The following ASB7 variants were observed in gnomAD, a reference collection of about 807,000 sequenced individuals.
The protein encoded by ASB7 is ankyrin repeat and SOCS box protein 7.
Under a neutral mutation model 32.5 loss-of-function variants are expected in ASB7, and 4 were observed. That is an observed-to-expected ratio of 0.12 (90% CI 0.06 to 0.28). The LOEUF (loss-of-function observed/expected upper bound fraction) is 0.28. Ranked by LOEUF, ASB7 falls within the 10% of genes least tolerant of loss-of-function variation. The probability of loss-of-function intolerance (pLI) is 1.00; values close to 1 mark genes in which losing one functional copy is unlikely to be tolerated. For synonymous variants in ASB7, 172 were observed against 155.6 expected, an observed-to-expected ratio of 1.11 and a Z score of -0.78; for missense variants, 181 against 407.1, an observed-to-expected ratio of 0.44 and a Z score of 4.78.
chr15:100,612,568 C>A, intron 4 of ASB7, 141 bp downstream of exon 4: 1 of 807,962 alleles, frequency 1.2e-6, no homozygotes, highest in Non-Finnish European at 2.0e-6. Flanking sequence ...TGAAGATTTG[C>A]TATAAGTGTG....
chr15:100,616,050 G>C (rs909412743), intron 4 of ASB7, among the ~76,000 whole-genome samples: 2 of 152,244 alleles, frequency 1.3e-5, no homozygotes, highest in Non-Finnish European at 2.9e-5. Context: ...CCTCCGAAGA[G>C]ATTGTCATCA....
At chr15:100,609,275 C>T (rs1296577268) in intron 2 of ASB7, among the ~76,000 whole-genome samples, 4 of 152,132 alleles carry the variant, frequency 2.6e-5, no homozygotes, top group African/African-American at 9.7e-5. Flanking sequence ...TTTATTTTAA[C>T]CCAGGCCACC....
At chr15:100,640,083 C>T (rs1268807643) in intron 5 of ASB7, among the ~76,000 whole-genome samples, 1 of 152,198 alleles carries the variant, frequency 6.6e-6, no homozygotes, top group Non-Finnish European at 1.5e-5. Context: ...TAGGGTCCCT[C>T]TGAAGGGAAT....
At chr15:100,646,692 T>C (rs1221274741) in intron 5 of ASB7, 1 of 185,456 alleles carries the variant, frequency 5.4e-6, no homozygotes, top group Non-Finnish European at 1.2e-5. Flanking sequence ...CAGTTATGGG[T>C]TAGTAGGCTG....
chr15:100,638,834 C>T (rs2039942477), intron 5 of ASB7, among the ~76,000 whole-genome samples: 1 of 152,178 alleles, frequency 6.6e-6, no homozygotes, highest in Admixed American at 6.5e-5. Context: ...AATGCCCTCC[C>T]TCCCCTTGTC....
At chr15:100,612,498 A>G (rs987826504) in intron 4 of ASB7, 71 bp downstream of exon 4, 40 of 1,391,470 alleles carry the variant, frequency 2.9e-5, no homozygotes, top group Middle Eastern at 3.5e-4. Context: ...AAATGTGTCT[A>G]TTTGTAATTT....
intron 5 of ASB7, among the ~76,000 whole-genome samples, chr15:100,630,644 G>A (rs1420614976): frequency 1.3e-5 from 2 of 152,150 alleles, no homozygotes; most frequent in African/African-American, 4.8e-5. Context: ...TGGACCACAT[G>A]GCTTCCATTG....
chr15:100,630,082 A>G (rs756048858), intron 5 of ASB7, 40 bp downstream of exon 5: 16 of 1,496,780 alleles, frequency 1.1e-5, no homozygotes, highest in African/African-American at 1.4e-5. Context: ...TTTTTTAAAA[A>G]TTTGCATCTT....
Position 100,645,897 on chromosome 15 carries a change from G to C in ASB7, c.818-2426G>C, listed in dbSNP as rs1401253018. 1.1e-5 allele frequency: 8 copies of C among 720,446 alleles called. No individual in the cohort carries two copies. The East Asian group carries it at 2.3e-4, about 21-fold the overall frequency. 44.6% of individuals were successfully genotyped at this position (720,446 alleles called of 1,614,324 possible). ...CAGCATCTGACCACAGCACTGAGGA[G>C]ATTGCTTCCTTGTGGCCAGAGAAGG... On this transcript the variant is annotated intron_variant, in intron 5 of 5. Transcript: ENST00000332783.
intron 3 of ASB7, among the ~76,000 whole-genome samples, chr15:100,610,494 C>CAAAA (rs5814978): frequency 1.5e-5 from 2 of 136,912 alleles, no homozygotes; most frequent in African/African-American, 5.4e-5. Context: ...GACTCCGTCT[C>CAAAA]AAAAAAAAAA....
chr15:100,628,652 G>A (rs2039860520), intron 4 of ASB7, among the ~76,000 whole-genome samples: 1 of 152,166 alleles, frequency 6.6e-6, no homozygotes, highest in Admixed American at 6.5e-5. Flanking sequence ...TCTGAGGCCA[G>A]TGACAAAAGA....
At chr15:100,641,519 T>A (rs1420167364) in intron 5 of ASB7, among the ~76,000 whole-genome samples, 3 of 152,218 alleles carry the variant, frequency 2.0e-5, no homozygotes, top group Non-Finnish European at 4.4e-5. Flanking sequence ...TGTAGTGATA[T>A]CCCTCACTTC....
chr15:100,645,053 C>T (rs552804613), intron 5 of ASB7, among the ~76,000 whole-genome samples: 37 of 152,286 alleles, frequency 2.4e-4, no homozygotes, highest in African/African-American at 8.2e-4. Flanking sequence ...TTTTGAATAA[C>T]GGTGATCACT....
Position 100,610,490 on chromosome 15 carries a change from G to A in ASB7, c.-52+662G>A, listed in dbSNP as rs562891663. On this transcript the variant is annotated intron_variant, in intron 3 of 5. Transcript: ENST00000332783. ...AACCTGGGTGACAGAGCAAGACTCC[G>A]TCTCAAAAAAAAAAAAGAGGCAATC... Among the ~76,000 whole-genome samples, 13 of 126,664 alleles carry A rather than the reference G, an allele frequency of 1.0e-4. No individual in the cohort carries two copies. In the South Asian group the frequency reaches 2.4e-3, roughly 23 times the overall value. 83.1% of individuals were successfully genotyped at this position (126,664 alleles called of 152,430 possible).
At chr15:100,631,282 G>T (rs1225182301) in intron 5 of ASB7, among the ~76,000 whole-genome samples, 1 of 152,176 alleles carries the variant, frequency 6.6e-6, no homozygotes, top group African/African-American at 2.4e-5. Flanking sequence ...TAATGTGACC[G>T]TTGCCACTGA....
Position 100,629,979 on chromosome 15 carries a change from G to A in ASB7, c.754G>A (p.Ala252Thr). ...TRNYEGQTPL[A>T]VSISISGSSR... ...GAACTATGAAGGACAGACCCCATTG[G>A]CTGTTTCAATAAGTATTTCTGGAAG... Residue 252 changes from alanine to threonine, a missense_variant, in exon 5 of 6, where the codon GCT becomes ACT. By Grantham distance (58) the Ala-to-Thr change is moderately conservative. Coordinates refer to ENST00000332783, the MANE Select transcript of ASB7 (RefSeq NM_198243.3). This position sits in a 1 kb window ranked among gnomAD's most constrained non-coding sequence, Gnocchi z 6.8. 1 of 1,613,648 alleles carries A rather than the reference G, an allele frequency of 6.2e-7. No homozygotes were observed. Among genetic ancestry groups the A allele is most frequent in the Non-Finnish European group, 8.5e-7 (1 of 1,179,628 alleles).
intron 4 of ASB7, among the ~76,000 whole-genome samples, chr15:100,617,392 G>A (rs2039752824): frequency 6.6e-6 from 1 of 152,202 alleles, no homozygotes; most frequent in Non-Finnish European, 1.5e-5. Context: ...TTGAGCCACA[G>A]CCCCTCTGCA....
chr15:100,645,413 C>A, intron 5 of ASB7: 1 of 311,026 alleles, frequency 3.2e-6, no homozygotes, highest in Non-Finnish European at 6.2e-6. Flanking sequence ...ATCAAATTAT[C>A]ATTCGAGTTC....
chr15:100,644,767 G>T (rs892215938), intron 5 of ASB7, among the ~76,000 whole-genome samples: 1 of 152,232 alleles, frequency 6.6e-6, no homozygotes, highest in Non-Finnish European at 1.5e-5. Flanking sequence ...CTGTGATGAA[G>T]TGCTATTTTG....
Sources: gnomAD v4.1 joint callset for allele counts (sites outside exome capture counted in the v4.1 genomes callset) on GRCh38, gnomAD v4.1.1 for gene constraint, Gnocchi (gnomAD v3.1) non-coding constraint, MANE v1.5 for transcripts, NCBI Gene and HGNC (gene_info 2026-07-23, HGNC 2026-07-21) for gene names.